Variants in EVPL observed in about 807,000 individuals in gnomAD.
The protein encoded by EVPL is 210 kDa cornified envelope precursor protein.
A neutral mutation model predicts 129.7 loss-of-function variants in EVPL; 94 were observed. The observed-to-expected ratio is 0.72, with a 90% CI of 0.61 to 0.86. EVPL has a LOEUF of 0.86. Among genes scored for constraint, EVPL ranks in the 40% least tolerant of loss-of-function variants. EVPL has a pLI of 0.00. For synonymous variants in EVPL, 1,172 were observed against 1,191.1 expected (o/e 0.98, Z 0.33); for missense variants, 2,625 against 2,721.1 (o/e 0.96, Z 0.79).
chr17:76,024,565 C>T lies in EVPL; in HGVS notation c.99-445G>A, dbSNP rs2066486311. Among the ~76,000 whole-genome samples, 1 of 152,126 alleles carries T rather than the reference C, an allele frequency of 6.6e-6. No homozygotes were observed. Among genetic ancestry groups the T allele is most frequent in the South Asian group, 2.1e-4 (1 of 4,828 alleles). On this transcript the variant is annotated intron_variant, in intron 1 of 21. Transcript: ENST00000301607. This position sits in a 1 kb window ranked among gnomAD's most constrained non-coding sequence, Gnocchi z 4.5. Reference sequence around the variant, plus strand: ...GCAGCAGCATGTCCCCCATCCCCACCTCCTCGCACTCCAGCCCTGTGTTCC... The same window carrying T: ...GCAGCAGCATGTCCCCCATCCCCACTTCCTCGCACTCCAGCCCTGTGTTCC...
chr17:76,010,143 T>G lies in EVPL; in HGVS notation c.3062A>C (p.Gln1021Pro). 1 of 1,614,092 alleles carries G rather than the reference T, an allele frequency of 6.2e-7. No homozygotes were observed. The highest frequency in any genetic ancestry group is 8.5e-7 in the Non-Finnish European group (1 of 1,180,028). Residue 1021 changes from glutamine (Q) to proline (P), a missense_variant, in exon 22 of 22, where the codon CAG becomes CCG. This residue lies in a region of EVPL where 1,453 missense variants were observed against 1,511.8 expected (regional missense o/e 0.96). Transcript: ENST00000301607. ...GTCCAGGCCGGGGTCCCTCTCCACCTGGGTGACCTCCTTGGTCAGCAGATG... is the reference window on the plus strand; with the variant it reads ...GTCCAGGCCGGGGTCCCTCTCCACCGGGGTGACCTCCTTGGTCAGCAGATG... Reference protein sequence around the residue: ...QPHLLTKEVTQVERDPGLDSQ... With the variant: ...QPHLLTKEVTPVERDPGLDSQ...
chr17:76,014,794 T>C, intron 17 of EVPL, 122 bp downstream of exon 17: 3 of 1,177,862 alleles, frequency 2.5e-6, no homozygotes, highest in Non-Finnish European at 3.5e-6. Flanking sequence ...TATCCCATTT[T>C]AGAGATGAGG....
Position 76,007,993 on chromosome 17 carries a change from GCA to G in EVPL, c.5210_5211del (p.Val1737AlafsTer23). The G allele has an allele frequency of 6.2e-7, 1 of 1,614,104 alleles. No homozygotes were observed. Among genetic ancestry groups the G allele is most frequent in the Non-Finnish European group, 8.5e-7 (1 of 1,180,026 alleles). On this transcript the variant is annotated frameshift_variant, in exon 22 of 22. Transcript: ENST00000301607. LOFTEE classifies it low-confidence loss of function (END_TRUNC). This position sits in a 1 kb window ranked among gnomAD's most constrained non-coding sequence, Gnocchi z 8.8. ...TGCTTCCCGCTCTTGCGGTCCAGGA[GCA>G]CAGACTCCTCCCCACAGGGCCCCGA... ...TTSGPCGEESVLLDRKSGKQY... is the reference protein window; with the variant it reads ...TTSGPCGEESXLLDRKSGKQY...
At chr17:76,017,992 G>GGGGT in intron 13 of EVPL, 81 bp from the exon 14 acceptor site, 1 of 1,582,296 alleles carries the variant, frequency 6.3e-7, no homozygotes, top group South Asian at 1.2e-5. Context: ...GCCCACAGAG[G>GGGGT]GTCCTGTCGG....
In EVPL at chr17:76,018,186, C is replaced by T; in HGVS notation, c.1512G>A (p.Val504=). The part of the protein sequence containing the change: ...TVQSRLKASA[V]ESLRPSQQAP... Reference sequence around the variant, plus strand: ...CCTGCTGGCTGGGCCGAAGAGACTCCACAGCACTGGCCTTCAGGCGGCTCT... The same window carrying T: ...CCTGCTGGCTGGGCCGAAGAGACTCTACAGCACTGGCCTTCAGGCGGCTCT... Residue 504 remains valine (V), a synonymous_variant, in exon 13 of 22, where the codon GTG becomes GTA. Transcript: ENST00000301607. The T allele has an allele frequency of 6.4e-7, 1 of 1,551,124 alleles. No homozygotes were observed. Among genetic ancestry groups the T allele is most frequent in the South Asian group, 1.2e-5 (1 of 84,060 alleles).
Position 76,024,161 on chromosome 17 carries a change from G to A in EVPL, c.99-41C>T, listed in dbSNP as rs1245575669. ...GACAGCGGGTAGCTCGGTGGAAGAG[G>A]CCCCTCTGTGCCCCATCCAGGTGGC... On this transcript the variant is annotated intron_variant, in intron 1 of 21. Coordinates refer to ENST00000301607, the MANE Select transcript of EVPL (RefSeq NM_001988.4). This position sits in a 1 kb window ranked among gnomAD's most constrained non-coding sequence, Gnocchi z 4.5. The A allele has an allele frequency of 6.4e-7, 1 of 1,573,620 alleles. No individual in the cohort carries two copies. The highest frequency in any genetic ancestry group is 1.7e-5 in the Admixed American group (1 of 57,668).
intron 9 of EVPL, among the ~76,000 whole-genome samples, chr17:76,019,944 GCTAAACACAAACCAC>G (rs1321926777): frequency 6.6e-6 from 1 of 150,454 alleles, no homozygotes; most frequent in African/African-American, 2.5e-5. Context: ...ATCTAAACCA[GCTAAACACAAACCAC>G]CTAAACCGAA....
chr17:76,010,325 T>C lies in EVPL; in HGVS notation c.2880A>G (p.Val960=), dbSNP rs747289206. 1.3e-5 allele frequency: 21 copies of C among 1,613,898 alleles called. No individual in the cohort carries two copies. In the African/African-American group the frequency reaches 2.1e-4, roughly 16 times the overall value. The change falls in exon 22 of 22, where the codon GTA becomes GTG. Residue 960 remains valine, a synonymous_variant. Transcript: ENST00000301607. ...PLERLEEKEV[V]EFYRDPQLEG... Reference sequence around the variant, plus strand: ...CCAGCTGGGGGTCCCGGTAGAACTCTACCACTTCCTTCTCCTCCAGCCTCT... The same window carrying C: ...CCAGCTGGGGGTCCCGGTAGAACTCCACCACTTCCTTCTCCTCCAGCCTCT...
Position 76,009,779 on chromosome 17 carries a change from C to T in EVPL, c.3426G>A (p.Val1142=), listed in dbSNP as rs749584898. The change falls in exon 22 of 22, where the codon GTG becomes GTA. Residue 1142 remains valine, a synonymous_variant. Coordinates refer to ENST00000301607, the MANE Select transcript of EVPL (RefSeq NM_001988.4). The surrounding 1 kb of genome is among the most constrained non-coding windows in gnomAD (Gnocchi z 5.9). ...CCTGGAGGAGCCCTGGGTCCTGCTC[C>T]ACCTTCTTCACCTCCTTCACGATGA... is the stretch of plus-strand genomic sequence containing the variant. ...PKVIVKEVKK[V]EQDPGLLQES... 5 of 1,613,716 alleles carry T rather than the reference C, an allele frequency of 3.1e-6. No individual in the cohort carries two copies. In the African/African-American group the frequency reaches 5.3e-5, roughly 17 times the overall value.
rs1156728995 is a variant in EVPL, at chr17:76,008,044, A to C, written c.5161T>G (p.Cys1721Gly). The change falls in exon 22 of 22, where the codon TGT becomes GGT. Residue 1721 changes from cysteine (C) to glycine (G), a missense_variant. Transcript: ENST00000301607. The surrounding 1 kb of genome is among the most constrained non-coding windows in gnomAD (Gnocchi z 7.4). Reference protein sequence around the residue: ...GQYLQLQELECDWEEVTTSGP... With the variant: ...GQYLQLQELEGDWEEVTTSGP... ...GAGGTGGTGACCTCCTCCCAGTCAC[A>C]CTCGAGCTCCTGCAGCTGCAAGTAC... is the stretch of plus-strand genomic sequence containing the variant. 3 of 1,613,808 alleles carry C rather than the reference A, an allele frequency of 1.9e-6. No homozygotes were observed. Among genetic ancestry groups the C allele is most frequent in the Non-Finnish European group, 2.5e-6 (3 of 1,179,954 alleles).
rs1434693917 is a variant in EVPL at position 76,015,047 on chromosome 17, C to T, written c.2091G>A (p.Lys697=). ...TCVLRLHRAL[K]ASEHACAALQ... is the part of the protein sequence containing the mutation. The stretch of plus-strand genomic sequence containing the variant: ...GGGCAGCGCATGCGTGCTCCGAGGC[C>T]TTCAGCGCGCGGTGTAGCCGCAGCA... The change falls in exon 17 of 22, where the codon AAG becomes AAA. Residue 697 remains lysine (K), a synonymous_variant. Transcript: ENST00000301607. The T allele has an allele frequency of 1.9e-6, 3 of 1,590,446 alleles. No individual in the cohort carries two copies. The highest frequency in any genetic ancestry group is 2.6e-6 in the Non-Finnish European group (3 of 1,173,208).
Position 76,024,030 on chromosome 17 carries a change from C to T in EVPL, c.189G>A (p.Arg63=), listed in dbSNP as rs1321408754. The T allele has an allele frequency of 6.2e-7, 1 of 1,613,142 alleles. No individual in the cohort carries two copies. ...VERDILETQK[R]LQQDRLNSEQ... is the part of the protein sequence containing the mutation. ...GCTGCCGGGGCCTCACCTGCTGCAG[C>T]CTCTTCTGCGTCTCCAGGATGTCCC... The change falls in exon 2 of 22, where the codon AGG becomes AGA. Residue 63 remains arginine (R), a synonymous_variant. Coordinates refer to ENST00000301607, the MANE Select transcript of EVPL (RefSeq NM_001988.4). This position sits in a 1 kb window ranked among gnomAD's most constrained non-coding sequence, Gnocchi z 4.5.
Position 76,014,968 on chromosome 17 carries a change from C to G in EVPL, c.2170G>C (p.Val724Leu), listed in dbSNP as rs2066406438. ...CQDLPRQQRQ[V>L]RALTDRYHAV... ...TGGTAGCGGTCGGTGAGGGCTCGCA[C>G]CTGGCGCTGCTGGCGAGGCAGGTCT... The change falls in exon 17 of 22, where the codon GTG becomes CTG. Residue 724 changes from valine to leucine, a missense_variant. This residue lies in a region of EVPL where 1,024 missense variants were observed against 997.5 expected (regional missense o/e 1.03). Transcript: ENST00000301607. 1.9e-6 allele frequency: 3 copies of G among 1,597,314 alleles called. No individual in the cohort carries two copies. Among genetic ancestry groups the G allele is most frequent in the Non-Finnish European group, 2.6e-6 (3 of 1,175,680 alleles).
In EVPL at chr17:76,022,614, G is replaced by A. The variant is rs2144437573; in HGVS notation, c.481-76C>T. ...GAGAACCCCACACGCCTCCCACCCGGAGAAGTGGACTTGGTCATTTGGGCA... is the reference window on the plus strand; with the variant it reads ...GAGAACCCCACACGCCTCCCACCCGAAGAAGTGGACTTGGTCATTTGGGCA... On this transcript the variant is annotated intron_variant, in intron 4 of 21. Transcript: ENST00000301607. This position sits in a 1 kb window ranked among gnomAD's most constrained non-coding sequence, Gnocchi z 5.6. 2.6e-6 allele frequency: 4 copies of A among 1,511,150 alleles called. No individual in the cohort carries two copies. In the East Asian group the frequency reaches 9.8e-5, roughly 37 times the overall value. The allele number at this position is 1,511,150 out of a possible 1,614,324, so 93.6% of individuals were successfully genotyped here. A position where few individuals can be genotyped will look rare whatever the true frequency, so the allele number is the denominator to read the frequency against.
At position 76,015,126 on chromosome 17, in the gene EVPL, C is replaced by T; in HGVS notation, c.2029-17G>A. The T allele has an allele frequency of 6.4e-7, 1 of 1,568,956 alleles. No individual in the cohort carries two copies. On this transcript the variant is annotated splice_polypyrimidine_tract_variant and intron_variant, in intron 16 of 21. Transcript: ENST00000301607. ...CCGCTGGCGCTGCAGGAGGAGGGGA[C>T]GCAGCCGTGCACCCTCGTGGCTGGG... is the stretch of plus-strand genomic sequence containing the variant.
intron 18 of EVPL, chr17:76,012,310 C>CTTTT (rs11371360): frequency 0.06 from 22,976 of 383,674 alleles, 141 homozygotes; most frequent in East Asian, 0.14. Flanking sequence ...CCTTTCTTTC[C>CTTTT]TTTTTTTTTT....
rs1037783487 is a variant in EVPL at position 76,024,571 on chromosome 17, G to C, written c.99-451C>G. 2.6e-5 allele frequency among the ~76,000 whole-genome samples: 4 copies of C among 151,998 alleles called. No individual in the cohort carries two copies. The highest frequency in any genetic ancestry group is 5.9e-5 in the Non-Finnish European group (4 of 67,976). On this transcript the variant is annotated intron_variant, in intron 1 of 21. Coordinates refer to ENST00000301607, the MANE Select transcript of EVPL (RefSeq NM_001988.4). The surrounding 1 kb of genome is among the most constrained non-coding windows in gnomAD (Gnocchi z 4.5). ...GCATGTCCCCCATCCCCACCTCCTC[G>C]CACTCCAGCCCTGTGTTCCCCTATA...
At chr17:76,019,297 A>G (rs577474769) in intron 10 of EVPL, among the ~76,000 whole-genome samples, 1 of 152,064 alleles carries the variant, frequency 6.6e-6, no homozygotes, top group Non-Finnish European at 1.5e-5. Context: ...CAGGCCTCAG[A>G]GCTCTCCCAG....
rs112756984 is a variant in EVPL, at chr17:76,014,918, C to T, written c.2220G>A (p.Leu740=). The change falls in exon 17 of 22, where the codon CTG becomes CTA. Residue 740 remains leucine (L), a splice_region_variant and synonymous_variant. Coordinates refer to ENST00000301607, the MANE Select transcript of EVPL (RefSeq NM_001988.4). Reference sequence around the variant, plus strand: ...GCCCCGAGGACCCAGTCGCTCACCGCAGGTCCAGCTGGTCCCCTACGGCGT... The same window carrying T: ...GCCCCGAGGACCCAGTCGCTCACCGTAGGTCCAGCTGGTCCCCTACGGCGT... The part of the protein sequence containing the change: ...RYHAVGDQLD[L]REKVVQDAAL... 1.4e-4 allele frequency: 215 copies of T among 1,580,252 alleles called. No homozygotes were observed. In the African/African-American group the frequency reaches 2.7e-3, roughly 20 times the overall value.
Sources: gnomAD v4.1 joint callset for allele counts (sites outside exome capture counted in the v4.1 genomes callset) on GRCh38, gnomAD v4.1.1 for gene constraint, gnomAD v4.1.1 regional missense constraint, Gnocchi (gnomAD v3.1) non-coding constraint, MANE v1.5 for transcripts, NCBI Gene and HGNC (gene_info 2026-07-23, HGNC 2026-07-21) for gene names.